The following THSD7B variants were observed in gnomAD, a reference collection of about 807,000 sequenced individuals.
THSD7B encodes the protein thrombospondin type-1 domain-containing protein 7B.
In THSD7B, 138 loss-of-function variants were observed where a neutral mutation model predicts 213.6. The ratio of observed to expected loss-of-function variants is 0.65; its 90% confidence interval spans 0.56 to 0.74. The LOEUF (loss-of-function observed/expected upper bound fraction) is 0.74. THSD7B is among the 30% of genes least tolerant of loss of function. The pLI is 0.00. For synonymous variants in THSD7B, 742 were observed against 687.0 expected (o/e 1.08, Z -1.25); for missense variants, 1,931 against 1,991.5 (o/e 0.97, Z 0.58).
At chr2:137,609,217 G>A (rs980855270) in intron 17 of THSD7B, among the ~76,000 whole-genome samples, 6 of 152,038 alleles carry the variant, frequency 3.9e-5, no homozygotes, top group South Asian at 2.1e-4. Flanking sequence ...GAGCCTATTA[G>A]GGGAAAGATA....
At chr2:137,096,818 C>T (rs1307583533) in intron 4 of THSD7B, among the ~76,000 whole-genome samples, 4 of 152,170 alleles carry the variant, frequency 2.6e-5, no homozygotes, top group Non-Finnish European at 4.4e-5. Context: ...CAGTAGAATG[C>T]ATCTGATAAT....
At chr2:137,273,025 TAC>T (rs71877881) in intron 11 of THSD7B, among the ~76,000 whole-genome samples, 21,352 of 140,662 alleles carry the variant, frequency 0.15, 1,665 homozygotes, top group Non-Finnish European at 0.18. Context: ...GGAGAAGGAA[TAC>T]ACACACACAC....
At chr2:137,007,983 C>T (rs1686149258) in intron 2 of THSD7B, among the ~76,000 whole-genome samples, 1 of 151,996 alleles carries the variant, frequency 6.6e-6, no homozygotes, top group South Asian at 2.1e-4. Flanking sequence ...TTGGTTTCAG[C>T]AATAGTTAGT....
chr2:136,808,615 G>A (rs1682326222), intron 1 of THSD7B, among the ~76,000 whole-genome samples: 1 of 152,160 alleles, frequency 6.6e-6, no homozygotes, highest in South Asian at 2.1e-4. Context: ...CTTTCAAAGT[G>A]GCTATACCAT....
intron 14 of THSD7B, among the ~76,000 whole-genome samples, chr2:137,415,886 C>A (rs1686787806): frequency 6.6e-6 from 1 of 151,942 alleles, no homozygotes; most frequent in Non-Finnish European, 1.5e-5. Flanking sequence ...TTTCATAGCA[C>A]TTAATCACCA....
At chr2:137,127,780 T>G (rs1688655771) in intron 5 of THSD7B, among the ~76,000 whole-genome samples, 1 of 152,042 alleles carries the variant, frequency 6.6e-6, no homozygotes, top group Non-Finnish European at 1.5e-5. Flanking sequence ...TAGCCAGGCG[T>G]GGTGGTGCAC....
intron 7 of THSD7B, among the ~76,000 whole-genome samples, chr2:137,194,253 G>C (rs1680715766): frequency 1.3e-5 from 2 of 152,164 alleles, no homozygotes; most frequent in South Asian, 4.1e-4. Context: ...GTTGCTGAGG[G>C]TGGGGAAAAG....
intron 2 of THSD7B, among the ~76,000 whole-genome samples, chr2:137,038,001 G>C (rs994689059): frequency 6.6e-6 from 1 of 151,996 alleles, no homozygotes; most frequent in African/African-American, 2.4e-5. Context: ...ATGTTTTGTT[G>C]ATTGCTTCCT....
intron 2 of THSD7B, among the ~76,000 whole-genome samples, chr2:137,028,174 G>A (rs1686589320): frequency 6.6e-6 from 1 of 152,166 alleles, no homozygotes; most frequent in African/African-American, 2.4e-5. Flanking sequence ...AAGCAATGCA[G>A]TCGTCTGGAT....
At chr2:137,499,607 A>G (rs2105133842) in intron 15 of THSD7B, among the ~76,000 whole-genome samples, 1 of 152,306 alleles carries the variant, frequency 6.6e-6, no homozygotes, top group East Asian at 1.9e-4. Flanking sequence ...AAAGGTTTTC[A>G]TAAGATTCAT....
At chr2:137,271,374 C>CATAT (rs199519161) in intron 10 of THSD7B, among the ~76,000 whole-genome samples, 2 of 137,502 alleles carry the variant, frequency 1.5e-5, no homozygotes, top group African/African-American at 5.3e-5. Flanking sequence ...TGGCTTCATT[C>CATAT]ATATATATAT....
At chr2:137,436,302 T>C (rs1226735135) in intron 14 of THSD7B, among the ~76,000 whole-genome samples, 2 of 152,198 alleles carry the variant, frequency 1.3e-5, no homozygotes, top group Non-Finnish European at 2.9e-5. Context: ...TATTAACTAA[T>C]TTATTCTTAT....
At chr2:137,194,037 A>C (rs1480150254) in intron 7 of THSD7B, among the ~76,000 whole-genome samples, 1 of 152,188 alleles carries the variant, frequency 6.6e-6, no homozygotes, top group Non-Finnish European at 1.5e-5. Context: ...AGCCAAGGCC[A>C]TACAGGCCTT....
In THSD7B at chr2:137,192,777, A is replaced by C. The variant is rs1680684055; in HGVS notation, c.1723+21839A>C. The stretch of plus-strand genomic sequence containing the variant: ...TAAATTAAATATATACAGGAAAAAA[A>C]CCATTTCACTTTAAATGGAAAATCA... On this transcript the variant is annotated intron_variant, in intron 7 of 27. Transcript: ENST00000409968. Among the ~76,000 whole-genome samples the C allele has an allele frequency of 1.3e-5, 2 of 152,186 alleles. 1 individual carries two copies. The highest frequency in any genetic ancestry group is 4.1e-4 in the South Asian group (2 of 4,828).
chr2:137,398,967 G>A (rs1444515945), intron 12 of THSD7B, among the ~76,000 whole-genome samples: 1 of 152,136 alleles, frequency 6.6e-6, no homozygotes, highest in Admixed American at 6.5e-5. Context: ...CTCGGAAAGG[G>A]AACTCCCTGA....
chr2:137,457,046 C>T (rs555799625), intron 15 of THSD7B, among the ~76,000 whole-genome samples: 1 of 152,228 alleles, frequency 6.6e-6, no homozygotes, highest in East Asian at 1.9e-4. Context: ...TTTGTTCTTG[C>T]CCTGTCGCCA....
At chr2:137,068,180 T>C (rs1216524014) in intron 3 of THSD7B, among the ~76,000 whole-genome samples, 1 of 152,056 alleles carries the variant, frequency 6.6e-6, no homozygotes, top group South Asian at 2.1e-4. Flanking sequence ...ATTGTTTAGC[T>C]TTTTTCTTAT....
At chr2:137,315,401 A>C (rs1314127608) in intron 12 of THSD7B, among the ~76,000 whole-genome samples, 1 of 152,042 alleles carries the variant, frequency 6.6e-6, no homozygotes, top group Non-Finnish European at 1.5e-5. Context: ...ACCTGCGCCC[A>C]CTGTCTGGCA....
At chr2:137,295,834 AT>A (rs1158395488) in intron 12 of THSD7B, among the ~76,000 whole-genome samples, 1 of 152,092 alleles carries the variant, frequency 6.6e-6, no homozygotes, top group African/African-American at 2.4e-5. Context: ...CTGAGGTTCC[AT>A]GGTGGCTAGT....
Sources: gnomAD v4.1 joint callset for allele counts (sites outside exome capture counted in the v4.1 genomes callset) on GRCh38, gnomAD v4.1.1 for gene constraint, MANE v1.5 for transcripts, NCBI Gene and HGNC (gene_info 2026-07-23, HGNC 2026-07-21) for gene names.